Variants in PRIM2 observed in about 807,000 individuals in gnomAD.
PRIM2 encodes the protein DNA primase subunit 2, also known as DNA primase large subunit.
PRIM2 carries 39 observed loss-of-function variants against 67.3 expected under a neutral mutation model. The ratio of observed to expected loss-of-function variants is 0.58; its 90% confidence interval spans 0.45 to 0.76. The LOEUF (loss-of-function observed/expected upper bound fraction) is 0.76, where lower values mean the gene tolerates loss of function less well. PRIM2 is among the 30% of genes least tolerant of loss of function. PRIM2 has a pLI of 0.00. For missense variants in PRIM2, 398 were observed against 598.7 expected (o/e 0.66, Z 3.50); for synonymous variants, 143 against 198.7 (o/e 0.72, Z 2.36).
At chr6:57,480,771 G>T (rs1773603776) in intron 7 of PRIM2, among the ~76,000 whole-genome samples, 4 of 152,212 alleles carry the variant, frequency 2.6e-5, no homozygotes, top group African/African-American at 9.6e-5. Context: ...TGGTACTACA[G>T]ACGCATGTCA....
At chr6:57,403,455 G>A (rs1355242108) in intron 7 of PRIM2, among the ~76,000 whole-genome samples, 1 of 151,618 alleles carries the variant, frequency 6.6e-6, no homozygotes, top group Non-Finnish European at 1.5e-5. Flanking sequence ...GTAGAGACGG[G>A]GTTTCACCAT....
the PRIM2 span, among the ~76,000 whole-genome samples, chr6:57,242,090 A>G: frequency 1.4e-4 from 22 of 152,312 alleles, no homozygotes; most frequent in Admixed American, 1.1e-3. Flanking sequence ...AATATTAACA[A>G]TAATAAGTTG....
At chr6:57,388,144 A>G (rs1770212161) in intron 7 of PRIM2, among the ~76,000 whole-genome samples, 1 of 152,174 alleles carries the variant, frequency 6.6e-6, no homozygotes, top group Non-Finnish European at 1.5e-5. Context: ...GTAGAGTCCC[A>G]GGGTAAAGAG....
At chr6:57,369,432 G>A (rs113373643) in intron 5 of PRIM2, among the ~76,000 whole-genome samples, 4 of 152,278 alleles carry the variant, frequency 2.6e-5, no homozygotes, top group Admixed American at 6.5e-5. Flanking sequence ...AAACTATACC[G>A]TTATACCATG....
Position 57,627,254 on chromosome 6 carries a change from T to C in PRIM2, c.1231-4879T>C, listed in dbSNP as rs1298379803. 3.0e-5 allele frequency among the ~76,000 whole-genome samples: 3 copies of C among 99,872 alleles called. No homozygotes were observed. In the Admixed American group the frequency reaches 4.9e-4, roughly 16 times the overall value. 65.5% of individuals were successfully genotyped at this position (99,872 alleles called of 152,430 possible). A position where few individuals can be genotyped will look rare whatever the true frequency, so the allele number is the denominator to read the frequency against. On this transcript the variant is annotated intron_variant, in intron 12 of 13. Coordinates refer to ENST00000615550, the MANE Select transcript of PRIM2 (RefSeq NM_000947.5). ...GAGATTGCGCCGCTGCCCTCCAGCCTGGGTGACAGAGTGAGACTCTGTCTC... is the reference window on the plus strand; with the variant it reads ...GAGATTGCGCCGCTGCCCTCCAGCCCGGGTGACAGAGTGAGACTCTGTCTC...
At chr6:57,458,008 AT>A (rs1581926432) in intron 7 of PRIM2, among the ~76,000 whole-genome samples, 1 of 152,328 alleles carries the variant, frequency 6.6e-6, no homozygotes, top group East Asian at 1.9e-4. Flanking sequence ...CAGCCTTGGC[AT>A]TTATCTTCCT....
chr6:57,331,600 A>G (rs1413957023), intron 5 of PRIM2, among the ~76,000 whole-genome samples: 1 of 152,026 alleles, frequency 6.6e-6, no homozygotes, highest in Non-Finnish European at 1.5e-5. Context: ...TTTAAGTTTT[A>G]TATTACTTTT....
intron 7 of PRIM2, among the ~76,000 whole-genome samples, chr6:57,423,085 GAC>G (rs1263166067): frequency 6.6e-6 from 1 of 152,112 alleles, no homozygotes; most frequent in Admixed American, 6.5e-5. Flanking sequence ...ATGATAATAA[GAC>G]AACAAAAACC....
At chr6:57,265,551 A>G in the PRIM2 span, among the ~76,000 whole-genome samples, 1 of 152,204 alleles carries the variant, frequency 6.6e-6, no homozygotes. Flanking sequence ...AATAGAACAC[A>G]CTTAGGCATG....
the PRIM2 span, among the ~76,000 whole-genome samples, chr6:57,284,913 A>T: frequency 6.6e-6 from 1 of 152,226 alleles, no homozygotes; most frequent in Non-Finnish European, 1.5e-5. Flanking sequence ...AGAATCAAAT[A>T]GATACAATAA....
chr6:57,583,735 C>T (rs1446766475), intron 10 of PRIM2, among the ~76,000 whole-genome samples: 33 of 152,340 alleles, frequency 2.2e-4, no homozygotes, highest in African/African-American at 7.2e-4. Flanking sequence ...GTTCTAGATC[C>T]CTGAGGAATC....
chr6:57,434,262 A>G (rs754736925), intron 7 of PRIM2, among the ~76,000 whole-genome samples: 4 of 152,038 alleles, frequency 2.6e-5, no homozygotes, highest in South Asian at 2.1e-4. Context: ...TACAAGGTCT[A>G]CTTCATAGGG....
chr6:57,550,750 A>G (rs1263179157), intron 10 of PRIM2, among the ~76,000 whole-genome samples: 1 of 152,164 alleles, frequency 6.6e-6, no homozygotes, highest in Non-Finnish European at 1.5e-5. Flanking sequence ...TTGCTAATAT[A>G]TGTGGTACTC....
At position 57,529,011 on chromosome 6, in the gene PRIM2, A is replaced by G. The variant is rs1253301661; in HGVS notation, c.762-3400A>G. On this transcript the variant is annotated intron_variant, in intron 8 of 13. Transcript: ENST00000615550. The stretch of plus-strand genomic sequence containing the variant: ...ACTTGTCCCAGTTTGCAGAACTGGT[A>G]TTTAAAGAACAAAAACCAGCCGGGC... 5.9e-5 allele frequency among the ~76,000 whole-genome samples: 9 copies of G among 152,324 alleles called. No homozygotes were observed. The East Asian group carries it at 1.7e-3, about 29-fold the overall frequency.
At chr6:57,447,581 G>T (rs1328546149) in intron 7 of PRIM2, among the ~76,000 whole-genome samples, 1 of 152,184 alleles carries the variant, frequency 6.6e-6, no homozygotes, top group African/African-American at 2.4e-5. Flanking sequence ...TGATCACATT[G>T]ATTTAATTGA....
intron 7 of PRIM2, among the ~76,000 whole-genome samples, chr6:57,496,865 A>G (rs1554346422): frequency 2.0e-5 from 3 of 152,214 alleles, no homozygotes; most frequent in East Asian, 1.9e-4. Flanking sequence ...CTCTCTGAAC[A>G]GTGGTAGTCA....
intron 7 of PRIM2, among the ~76,000 whole-genome samples, chr6:57,482,113 C>G (rs1366227819): frequency 6.6e-6 from 1 of 150,782 alleles, no homozygotes; most frequent in Non-Finnish European, 1.5e-5. Flanking sequence ...GGTATTGATG[C>G]CTGGTGACCA....
At chr6:57,608,243 A>G (rs1776596136) in intron 12 of PRIM2, among the ~76,000 whole-genome samples, 1 of 152,124 alleles carries the variant, frequency 6.6e-6, no homozygotes, top group African/African-American at 2.4e-5. Flanking sequence ...AAATTTTGAG[A>G]AGAGAATAAG....
upstream of PRIM2, among the ~76,000 whole-genome samples, chr6:57,314,614 G>T (rs1767445655): frequency 6.6e-6 from 1 of 152,242 alleles, no homozygotes; most frequent in Non-Finnish European, 1.5e-5. Context: ...TCACAGAAAT[G>T]AATGAAACAG....
Sources: allele counts gnomAD v4.1 joint callset (sites outside exome capture counted in the v4.1 genomes callset), GRCh38; gene constraint gnomAD v4.1.1; transcripts MANE v1.5; gene names NCBI Gene and HGNC (gene_info 2026-07-23, HGNC 2026-07-21).